HDAC5: variants seen among roughly 807,000 people sequenced by gnomAD.
HDAC5 encodes the protein histone deacetylase 5.
A neutral mutation model predicts 133.3 loss-of-function variants in HDAC5; 25 were observed. The ratio of observed to expected loss-of-function variants is 0.19; its 90% confidence interval spans 0.14 to 0.26. The LOEUF (loss-of-function observed/expected upper bound fraction) is 0.26. Ranked by LOEUF, HDAC5 falls within the 10% of genes least tolerant of loss-of-function variation. HDAC5 has a pLI of 1.00. For missense variants in HDAC5, 1,041 were observed against 1,460.5 expected (o/e 0.71, Z 4.68); for synonymous variants, 589 against 610.8 (o/e 0.96, Z 0.53).
At chr17:44,108,749 T>C (rs1447869527) in intron 3 of HDAC5, among the ~76,000 whole-genome samples, 6 of 53,436 alleles carry the variant, frequency 1.1e-4, no homozygotes, top group African/African-American at 2.5e-4. Context: ...CATTCCAGAG[T>C]CCAAAAAAAA....
Position 44,078,413 on chromosome 17 carries a change from G to C in HDAC5, c.3332C>G (p.Pro1111Arg). 6.5e-7 allele frequency: 1 copy of C among 1,533,614 alleles called. No individual in the cohort carries two copies. ...CTCCTGCTCCATGGGCTCCTCTGCCGGCCTGTGGGGCAAGCACAGGGGAGG... is the reference window on the plus strand; with the variant it reads ...CTCCTGCTCCATGGGCTCCTCTGCCCGCCTGTGGGGCAAGCACAGGGGAGG... Reference protein sequence around the residue: ...AAAAREHSPRPAEEPMEQEPA... With the variant: ...AAAAREHSPRRAEEPMEQEPA... Residue 1111 changes from proline (P) to arginine (R), a missense_variant and splice_region_variant, in exon 27 of 27, where the codon CCG (proline) becomes CGG (arginine). This residue lies in a region of HDAC5 where 95 missense variants were observed against 107.3 expected (regional missense o/e 0.88). Transcript: ENST00000682912.
chr17:44,107,167 G>A (rs34882082), intron 3 of HDAC5, among the ~76,000 whole-genome samples: 3,523 of 152,030 alleles, frequency 0.023, 165 homozygotes, highest in African/African-American at 0.081. Flanking sequence ...GCGCAGGCTG[G>A]TCTCAAACTC....
At chr17:44,080,075 C>G (rs756021463) in intron 23 of HDAC5, 32 bp downstream of exon 23, 6 of 1,464,862 alleles carry the variant, frequency 4.1e-6, no homozygotes, top group Non-Finnish European at 4.8e-6. Context: ...CTCACTGTTT[C>G]ACTTCCTCCC....
Position 44,083,873 on chromosome 17 carries a change from G to C in HDAC5, c.2306-19C>G. The C allele has an allele frequency of 6.2e-7, 1 of 1,612,338 alleles. No homozygotes were observed. Among genetic ancestry groups the C allele is most frequent in the South Asian group, 1.1e-5 (1 of 91,050 alleles). ...ATGGGGCCTGCATGGAAGAGGAATA[G>C]AGCTACTCTAGAAGTGGCCTCGGGC... On this transcript the variant is annotated intron_variant, in intron 16 of 26. Coordinates refer to ENST00000682912, the MANE Select transcript of HDAC5 (RefSeq NM_005474.5).
chr17:44,082,631 A>T lies in HDAC5; in HGVS notation c.2561T>A (p.Leu854His). ...FFNSVAITAK[L>H]LQQKLNVGKV... ...GCCCACGTTCAACTTCTGCTGTAGG[A>T]GTTTTGCGGTGATGGCTACAGAGTT... Residue 854 changes from leucine (L) to histidine (H), a missense_variant, in exon 20 of 27, where the codon CTC becomes CAC. Transcript: ENST00000682912. 6.2e-7 allele frequency: 1 copy of T among 1,614,074 alleles called. No individual in the cohort carries two copies. Among genetic ancestry groups the T allele is most frequent in the Non-Finnish European group, 8.5e-7 (1 of 1,180,018 alleles).
intron 2 of HDAC5, chr17:44,111,770 C>T (rs1388007875): frequency 1.1e-5 from 5 of 462,220 alleles, no homozygotes; most frequent in Admixed American, 9.2e-5. Context: ...CCCTCCCGCT[C>T]ATTCTGGAGT....
rs552323104 is a variant in HDAC5, at chr17:44,117,874, T to G, written c.-189-170A>C. Among the ~76,000 whole-genome samples, 1 of 152,256 alleles carries G rather than the reference T, an allele frequency of 6.6e-6. No homozygotes were observed. The highest frequency in any genetic ancestry group is 2.1e-4 in the South Asian group (1 of 4,828). ...ACTGGATAGACCCTGGTTTCTTATCTTACTAACTGATGAGGCTCCCAGAGC... is the reference window on the plus strand; with the variant it reads ...ACTGGATAGACCCTGGTTTCTTATCGTACTAACTGATGAGGCTCCCAGAGC... On this transcript the variant is annotated intron_variant, in intron 1 of 26. Transcript: ENST00000682912. The surrounding 1 kb of genome is among the most constrained non-coding windows in gnomAD (Gnocchi z 4.2).
intron 3 of HDAC5, among the ~76,000 whole-genome samples, chr17:44,109,695 C>T (rs2052217520): frequency 6.6e-6 from 1 of 152,270 alleles, no homozygotes; most frequent in African/African-American, 2.4e-5. Flanking sequence ...AGCCAAATCA[C>T]AGGCACCTGC....
At chr17:44,100,181 T>A (rs766590722) in intron 3 of HDAC5, among the ~76,000 whole-genome samples, 9 of 152,060 alleles carry the variant, frequency 5.9e-5, no homozygotes, top group East Asian at 1.9e-4. Context: ...AAAAAACAGA[T>A]CTAGCTTCCC....
chr17:44,088,068 G>A (rs2050754074), intron 12 of HDAC5, among the ~76,000 whole-genome samples: 2 of 152,126 alleles, frequency 1.3e-5, no homozygotes, highest in South Asian at 4.1e-4. Context: ...CAGTGCAATG[G>A]TGCGATCTGG....
At chr17:44,098,849 G>A (rs1448117165) in intron 3 of HDAC5, among the ~76,000 whole-genome samples, 2 of 151,464 alleles carry the variant, frequency 1.3e-5, no homozygotes, top group Non-Finnish European at 2.9e-5. Flanking sequence ...AGAGCCAAGC[G>A]TTGGTGGCTA....
chr17:44,080,286 T>C, intron 22 of HDAC5, 61 bp from the exon 23 acceptor site: 1 of 1,561,404 alleles, frequency 6.4e-7, no homozygotes, highest in Admixed American at 1.7e-5. Context: ...CGCCCCACTG[T>C]TATCCTCCCA....
rs561754076 is a variant in HDAC5, at chr17:44,083,040, G to A, written c.2464-220C>T. Reference sequence around the variant, plus strand: ...GTCACCCAGGCTGGAGTGCAGTGGCGCGATCATGGCTCACTACAACCTTGG... The same window carrying A: ...GTCACCCAGGCTGGAGTGCAGTGGCACGATCATGGCTCACTACAACCTTGG... On this transcript the variant is annotated intron_variant, in intron 18 of 26. Transcript: ENST00000682912. Among the ~76,000 whole-genome samples, 18 of 152,162 alleles carry A rather than the reference G, an allele frequency of 1.2e-4. No homozygotes were observed. In the East Asian group the frequency reaches 2.5e-3, roughly 21 times the overall value.
In HDAC5 at chr17:44,086,636, G is replaced by A. The variant is rs2050663564; in HGVS notation, c.1986C>T (p.Ser662=). 5.4e-6 allele frequency: 7 copies of A among 1,302,618 alleles called. No homozygotes were observed. The highest frequency in any genetic ancestry group is 6.9e-6 in the Non-Finnish European group (7 of 1,017,826). The allele number at this position is 1,302,618 out of a possible 1,614,324, so 80.7% of individuals were successfully genotyped here. Residue 662 remains serine, a synonymous_variant, in exon 14 of 27, where the codon TCC becomes TCT. Transcript: ENST00000682912. The part of the protein sequence containing the change: ...PHQALGRTQS[S]PAAPGGMKSP... Reference sequence around the variant, plus strand: ...TCTTCATGCCCCCAGGGGCAGCAGGGGAGGACTGGGTACGGCCCAGGGCCT... The same window carrying A: ...TCTTCATGCCCCCAGGGGCAGCAGGAGAGGACTGGGTACGGCCCAGGGCCT...
intron 3 of HDAC5, among the ~76,000 whole-genome samples, chr17:44,107,621 A>AG (rs2052046429): frequency 6.6e-6 from 1 of 151,010 alleles, no homozygotes; most frequent in African/African-American, 2.4e-5. Flanking sequence ...AAAAAAAAAA[A>AG]AAAAAAAGGG....
chr17:44,084,434 C>G lies in HDAC5; in HGVS notation c.2305+121G>C, dbSNP rs148401308. ...GACGTGATAATTGTGCCACCTCTGCCGCAGCAATGCCCTATGCCCGTGGGG... is the reference window on the plus strand; with the variant it reads ...GACGTGATAATTGTGCCACCTCTGCGGCAGCAATGCCCTATGCCCGTGGGG... On this transcript the variant is annotated intron_variant, in intron 16 of 26. Coordinates refer to ENST00000682912, the MANE Select transcript of HDAC5 (RefSeq NM_005474.5). 8.3e-6 allele frequency: 10 copies of G among 1,203,164 alleles called. No homozygotes were observed. In the South Asian group the frequency reaches 1.3e-4, roughly 16 times the overall value. The allele number at this position is 1,203,164 out of a possible 1,614,324, so 74.5% of individuals were successfully genotyped here.
At position 44,088,658 on chromosome 17, in the gene HDAC5, C is replaced by T. The variant is rs997120692; in HGVS notation, c.1388-60G>A. 8.9e-6 allele frequency: 14 copies of T among 1,565,926 alleles called. 1 individual carries two copies. Among genetic ancestry groups the T allele is most frequent in the Middle Eastern group, 1.7e-4 (1 of 5,950 alleles). ...TCAGGGCACCTGACTGCCCTCCCAC[C>T]GACCCTGCATCTTGCCCCCACAACC... On this transcript the variant is annotated intron_variant, in intron 11 of 26. Transcript: ENST00000682912.
rs910876446 is a variant in HDAC5, at chr17:44,117,247, A to G, written c.22+247T>C. Reference sequence around the variant, plus strand: ...GCGAAGCTGGAGCTGAACACCCCTAAGTTGAGAGGGCAAGCATGGGGGGCA... The same window carrying G: ...GCGAAGCTGGAGCTGAACACCCCTAGGTTGAGAGGGCAAGCATGGGGGGCA... On this transcript the variant is annotated intron_variant, in intron 2 of 26. Transcript: ENST00000682912. This position sits in a 1 kb window ranked among gnomAD's most constrained non-coding sequence, Gnocchi z 4.2. Among the ~76,000 whole-genome samples, 3 of 152,182 alleles carry G rather than the reference A, an allele frequency of 2.0e-5. No individual in the cohort carries two copies. The highest frequency in any genetic ancestry group is 4.8e-5 in the African/African-American group (2 of 41,438).
At chr17:44,102,898 C>G (rs778449525) in intron 3 of HDAC5, among the ~76,000 whole-genome samples, 1 of 151,540 alleles carries the variant, frequency 6.6e-6, no homozygotes, top group Non-Finnish European at 1.5e-5. Context: ...TATCCCCCGA[C>G]CTCAGCTGAT....
Sources: allele counts gnomAD v4.1 joint callset (sites outside exome capture counted in the v4.1 genomes callset), GRCh38; gene constraint gnomAD v4.1.1; regional missense constraint gnomAD v4.1.1; non-coding constraint Gnocchi (gnomAD v3.1); transcripts MANE v1.5; gene names NCBI Gene and HGNC (gene_info 2026-07-23, HGNC 2026-07-21).